Variants in MAGI1 observed in about 807,000 individuals in gnomAD.
MAGI1 encodes membrane-associated guanylate kinase, WW and PDZ domain-containing protein 1.
Under a neutral mutation model 139.9 loss-of-function variants are expected in MAGI1, and 58 were observed. The observed-to-expected ratio is 0.41, with a 90% CI of 0.34 to 0.52. MAGI1 has a LOEUF of 0.52. Among genes scored for constraint, MAGI1 ranks in the 20% least tolerant of loss-of-function variants. MAGI1 has a pLI of 0.12. For missense variants in MAGI1, 1,874 were observed against 1,901.6 expected (o/e 0.99, Z 0.27); for synonymous variants, 812 against 737.9 (o/e 1.10, Z -1.63).
At chr3:65,882,841 G>A (rs151156350) in intron 1 of MAGI1, among the ~76,000 whole-genome samples, 2 of 151,412 alleles carry the variant, frequency 1.3e-5, no homozygotes, top group Non-Finnish European at 2.9e-5. Context: ...AGGCTGAGGT[G>A]GGAGGATCAC....
At chr3:66,009,768 C>A (rs2107495895) in intron 1 of MAGI1, among the ~76,000 whole-genome samples, 1 of 151,862 alleles carries the variant, frequency 6.6e-6, no homozygotes, top group African/African-American at 2.4e-5. Context: ...ACTCTTCAAC[C>A]TAAAAGAATC....
chr3:65,846,493 G>C (rs2059000321), intron 1 of MAGI1, among the ~76,000 whole-genome samples: 1 of 152,198 alleles, frequency 6.6e-6, no homozygotes, highest in South Asian at 2.1e-4. Flanking sequence ...AGATCTTCCA[G>C]AGTGTTATAG....
At chr3:65,449,194 A>G (rs1948864472) in intron 6 of MAGI1, among the ~76,000 whole-genome samples, 1 of 152,092 alleles carries the variant, frequency 6.6e-6, no homozygotes, top group South Asian at 2.1e-4. Context: ...TAATGGATGC[A>G]GCACACCAAC....
chr3:66,027,869 C>A (rs2068374281), intron 1 of MAGI1, among the ~76,000 whole-genome samples: 1 of 152,134 alleles, frequency 6.6e-6, no homozygotes, highest in Non-Finnish European at 1.5e-5. Context: ...TCTCTAGATG[C>A]CAGAAGCAAC....
At chr3:65,728,601 A>C (rs2033859541) in intron 1 of MAGI1, among the ~76,000 whole-genome samples, 1 of 152,338 alleles carries the variant, frequency 6.6e-6, no homozygotes, top group East Asian at 1.9e-4. Flanking sequence ...GTCAAACTAG[A>C]TAGTCATTCA....
At chr3:65,788,270 C>A (rs929824013) in intron 1 of MAGI1, among the ~76,000 whole-genome samples, 6 of 152,212 alleles carry the variant, frequency 3.9e-5, no homozygotes, top group Non-Finnish European at 1.5e-5. Flanking sequence ...ACACAATGAT[C>A]CCACACGCTT....
intron 1 of MAGI1, among the ~76,000 whole-genome samples, chr3:65,851,580 C>G (rs1354382285): frequency 6.6e-6 from 1 of 152,046 alleles, no homozygotes; most frequent in African/African-American, 2.4e-5. Context: ...AAAACCTCAT[C>G]TCTACTAAAA....
intron 1 of MAGI1, among the ~76,000 whole-genome samples, chr3:65,970,124 G>C (rs1310905338): frequency 2.0e-5 from 3 of 152,146 alleles, no homozygotes; most frequent in Non-Finnish European, 4.4e-5. Flanking sequence ...TAAACAAATC[G>C]AGGTGTGCAT....
chr3:65,514,673 G>C (rs2077771136), intron 2 of MAGI1, among the ~76,000 whole-genome samples: 1 of 140,180 alleles, frequency 7.1e-6, no homozygotes, highest in East Asian at 2.2e-4. Context: ...GTGCTGGAGA[G>C]GATGTGGAGA....
At chr3:65,999,485 G>T (rs191662728) in intron 1 of MAGI1, among the ~76,000 whole-genome samples, 66 of 151,964 alleles carry the variant, frequency 4.3e-4, no homozygotes, top group Admixed American at 3.5e-3. Context: ...AGTGTGAGGG[G>T]AAAAAAATGG....
At position 65,534,265 on chromosome 3, in the gene MAGI1, T is replaced by A. The variant is rs142338694; in HGVS notation, c.431-40634A>T. Among the ~76,000 whole-genome samples the A allele has an allele frequency of 3.9e-5, 6 of 152,244 alleles. No individual in the cohort carries two copies. In the East Asian group the frequency reaches 1.2e-3, roughly 29 times the overall value. On this transcript the variant is annotated intron_variant, in intron 2 of 22. Transcript: ENST00000402939. ...AGGAGGCCAAGGTGGTAGGATCATT[T>A]GAGTCCAGGAATTTGGGACCAGCCT...
intron 2 of MAGI1, among the ~76,000 whole-genome samples, chr3:65,600,659 A>C (rs1386838664): frequency 6.6e-6 from 1 of 152,144 alleles, no homozygotes; most frequent in Admixed American, 6.5e-5. Flanking sequence ...AGCCAAGGGC[A>C]AGCTATGGCT....
intron 1 of MAGI1, among the ~76,000 whole-genome samples, chr3:65,918,689 T>A (rs2062025675): frequency 6.6e-6 from 1 of 152,090 alleles, no homozygotes; most frequent in Admixed American, 6.6e-5. Context: ...TCCACAACAT[T>A]CTTAAACTGA....
intron 1 of MAGI1, among the ~76,000 whole-genome samples, chr3:65,760,167 T>A: frequency 6.6e-6 from 1 of 151,894 alleles, no homozygotes; most frequent in African/African-American, 2.4e-5. Flanking sequence ...CTCCTCCTCC[T>A]CCTCCTCCTC....
intron 1 of MAGI1, among the ~76,000 whole-genome samples, chr3:65,881,171 C>A (rs1197698791): frequency 6.6e-6 from 1 of 152,048 alleles, no homozygotes; most frequent in African/African-American, 2.4e-5. Flanking sequence ...CAGAAATGAG[C>A]CACTCTGGCA....
chr3:65,798,355 A>T (rs1296392039), intron 1 of MAGI1, among the ~76,000 whole-genome samples: 1 of 152,114 alleles, frequency 6.6e-6, no homozygotes, highest in Non-Finnish European at 1.5e-5. Flanking sequence ...AGAAGCACTG[A>T]AAATGACAAC....
chr3:65,589,048 ATGT>A (rs1215305877), intron 2 of MAGI1, among the ~76,000 whole-genome samples: 1 of 152,170 alleles, frequency 6.6e-6, no homozygotes, highest in African/African-American at 2.4e-5. Context: ...GAGTTTTCTA[ATGT>A]TGTTAGGTTC....
intron 1 of MAGI1, among the ~76,000 whole-genome samples, chr3:65,883,110 T>G (rs1260233740): frequency 1.3e-5 from 2 of 152,188 alleles, no homozygotes; most frequent in Admixed American, 1.3e-4. Context: ...TCCAGTCATT[T>G]CGTGGCTCAA....
chr3:65,643,429 T>C (rs1023369069), intron 1 of MAGI1, among the ~76,000 whole-genome samples: 8 of 152,096 alleles, frequency 5.3e-5, no homozygotes, highest in South Asian at 2.1e-4. Flanking sequence ...TCTGTAAAGA[T>C]AGGGCAGACA....
Sources: gnomAD v4.1 joint callset for allele counts (sites outside exome capture counted in the v4.1 genomes callset) on GRCh38, gnomAD v4.1.1 for gene constraint, MANE v1.5 for transcripts, NCBI Gene and HGNC (gene_info 2026-07-23, HGNC 2026-07-21) for gene names.